Variants in TLK2 observed in about 807,000 individuals in gnomAD.
TLK2 encodes tousled like kinase 2, also known as serine/threonine-protein kinase tousled-like 2.
Under a neutral mutation model 117.3 loss-of-function variants are expected in TLK2, and 6 were observed. The ratio of observed to expected loss-of-function variants is 0.05; its 90% CI spans 0.03 to 0.10. The LOEUF is 0.10. TLK2 is among the 10% of genes least tolerant of loss of function. TLK2 has a pLI of 1.00. For synonymous variants in TLK2, 257 were observed against 316.7 expected, an observed-to-expected ratio of 0.81 and a Z score of 2.00; for missense variants, 299 against 901.2, an observed-to-expected ratio of 0.33 and a Z score of 8.56.
chr17:62,541,356 G>A (rs61549847), intron 7 of TLK2, among the ~76,000 whole-genome samples: 11 of 152,136 alleles, frequency 7.2e-5, no homozygotes, highest in Non-Finnish European at 1.6e-4. Flanking sequence ...GCTCTAATAG[G>A]CACTCAGTGT....
chr17:62,612,463 C>T lies in TLK2; in HGVS notation c.2151C>T (p.Pro717=), dbSNP rs767703650. The T allele has an allele frequency of 1.2e-6, 2 of 1,614,188 alleles. No individual in the cohort carries two copies. The highest frequency in any genetic ancestry group is 1.7e-6 in the Non-Finnish European group (2 of 1,180,030). ...ATGTCCAGCAGCTGGCCTGTGATCC[C>T]TACTTGTTGCCTCACATCCGAAAGT... ...RIDVQQLACD[P]YLLPHIRKSV... The change falls in exon 22 of 22, where the codon CCC becomes CCT. Residue 717 remains proline, a synonymous_variant. Transcript: ENST00000346027.
chr17:62,542,326 G>C (rs2077593520), intron 7 of TLK2, among the ~76,000 whole-genome samples: 1 of 152,126 alleles, frequency 6.6e-6, no homozygotes, highest in Non-Finnish European at 1.5e-5. Context: ...CCACTGTGTT[G>C]CCTAGGCTGG....
intron 2 of TLK2, among the ~76,000 whole-genome samples, chr17:62,511,881 T>G (rs927668063): frequency 1.3e-5 from 2 of 152,246 alleles, no homozygotes; most frequent in South Asian, 2.1e-4. Context: ...AACATTCTTA[T>G]AGAGGTTTTT....
chr17:62,599,304 T>C (rs1017355933), intron 17 of TLK2, among the ~76,000 whole-genome samples: 19 of 152,242 alleles, frequency 1.2e-4, no homozygotes, highest in African/African-American at 4.6e-4. Context: ...CAGTTTGTGG[T>C]GTCCACAGGA....
chr17:62,578,816 A>G (rs990867760), intron 14 of TLK2, among the ~76,000 whole-genome samples: 2 of 152,210 alleles, frequency 1.3e-5, no homozygotes, highest in Non-Finnish European at 2.9e-5. Flanking sequence ...GCATTTTTAC[A>G]TGAATAAAGA....
At position 62,588,777 on chromosome 17, in the gene TLK2, C is replaced by T. The variant is rs543044362; in HGVS notation, c.1460+2551C>T. On this transcript the variant is annotated intron_variant, in intron 16 of 21. Transcript: ENST00000346027. ...GATATAAAATCATACTCATGCATTT[C>T]AGGCTATAGAAAATGGCGAATTGAC... Among the ~76,000 whole-genome samples the T allele has an allele frequency of 2.4e-4, 36 of 152,282 alleles. No homozygotes were observed. In the South Asian group the frequency reaches 7.0e-3, roughly 30 times the overall value.
chr17:62,530,451 A>C (rs923307334), intron 6 of TLK2, among the ~76,000 whole-genome samples: 1 of 152,200 alleles, frequency 6.6e-6, no homozygotes, highest in African/African-American at 2.4e-5. Flanking sequence ...TGTAGCATAG[A>C]GTGAGACCCT....
At chr17:62,576,963 C>CTTTTTTTTTTTT (rs1395900900) in intron 13 of TLK2, among the ~76,000 whole-genome samples, 188 bp downstream of exon 13, 1 of 70,560 alleles carries the variant, frequency 1.4e-5, no homozygotes, top group African/African-American at 4.7e-5. Flanking sequence ...TTTCTTTCTT[C>CTTTTTTTTTTTT]TTCTTTTTTT....
At chr17:62,533,911 T>C (rs138915649) in intron 6 of TLK2, among the ~76,000 whole-genome samples, 1 of 152,222 alleles carries the variant, frequency 6.6e-6, no homozygotes, top group Non-Finnish European at 1.5e-5. Context: ...CCTTTTTTTC[T>C]AATATCTGCA....
At chr17:62,515,407 T>C (rs182481352) in intron 2 of TLK2, among the ~76,000 whole-genome samples, 1 of 152,348 alleles carries the variant, frequency 6.6e-6, no homozygotes, top group Admixed American at 6.5e-5. Context: ...TAGTTTTCCA[T>C]AGTGGCTATG....
intron 11 of TLK2, among the ~76,000 whole-genome samples, chr17:62,567,406 TAAA>T: frequency 6.6e-6 from 1 of 152,218 alleles, no homozygotes; most frequent in South Asian, 2.1e-4. Flanking sequence ...TGAGACTATG[TAAA>T]TGAAATCCCT....
intron 7 of TLK2, among the ~76,000 whole-genome samples, chr17:62,537,393 A>G (rs2077189087): frequency 6.6e-6 from 1 of 152,218 alleles, no homozygotes; most frequent in South Asian, 2.1e-4. Context: ...TTCATTCAAC[A>G]TGGTTTCGTG....
intron 14 of TLK2, among the ~76,000 whole-genome samples, chr17:62,578,883 G>T (rs765027778): frequency 6.6e-6 from 1 of 152,168 alleles, no homozygotes; most frequent in Non-Finnish European, 1.5e-5. Flanking sequence ...TGCATATTCA[G>T]ATTTTCCTAC....
rs1284424623 is a variant in TLK2, at chr17:62,574,410, G to A, written c.1121+1043G>A. The A allele has an allele frequency of 2.3e-6, 3 of 1,301,634 alleles. No homozygotes were observed. The East Asian group carries it at 7.3e-5, about 32-fold the overall frequency. 80.6% of individuals were successfully genotyped at this position (1,301,634 alleles called of 1,614,324 possible). ...GCCTTAGGAGCCCACAGTTTACTTA[G>A]GTGAGATGAACAGACGAATAAACTA... On this transcript the variant is annotated intron_variant, in intron 12 of 21. Transcript: ENST00000346027.
intron 21 of TLK2, 132 bp downstream of exon 21, chr17:62,608,280 T>G (rs1297536845): frequency 1.4e-6 from 1 of 698,606 alleles, no homozygotes; most frequent in Non-Finnish European, 2.4e-6. Flanking sequence ...TAGGCATGAA[T>G]TAATGTTCCT....
intron 11 of TLK2, among the ~76,000 whole-genome samples, chr17:62,571,867 G>GAAAATTTTAAAAAATTTTAAAAAA (rs2080325948): frequency 1.3e-5 from 2 of 152,022 alleles, no homozygotes; most frequent in Non-Finnish European, 2.9e-5. Context: ...TTGAGTGTAG[G>GAAAATTTTAAAAAATTTTAAAAAA]TTTTAAAAAA....
chr17:62,472,142 G>T (rs1195291962), intron 1 of TLK2, among the ~76,000 whole-genome samples: 26 of 151,460 alleles, frequency 1.7e-4, no homozygotes, highest in Admixed American at 1.1e-3. Context: ...TCCTGACCTC[G>T]TGATCCGCCT....
At chr17:62,597,910 T>C (rs545305208) in intron 17 of TLK2, among the ~76,000 whole-genome samples, 16 of 152,356 alleles carry the variant, frequency 1.1e-4, no homozygotes, top group African/African-American at 3.8e-4. Flanking sequence ...GAATATACCC[T>C]AGGTCTAGAC....
intron 15 of TLK2, among the ~76,000 whole-genome samples, chr17:62,583,257 T>TTC (rs2081346378): frequency 1.3e-5 from 2 of 152,116 alleles, no homozygotes. Flanking sequence ...CAAGCCCAGC[T>TTC]ATTTTTTTTG....
Sources: allele counts gnomAD v4.1 joint callset (sites outside exome capture counted in the v4.1 genomes callset), GRCh38; gene constraint gnomAD v4.1.1; transcripts MANE v1.5; gene names NCBI Gene and HGNC (gene_info 2026-07-23, HGNC 2026-07-21).